GPC5: variants seen among roughly 807,000 people sequenced by gnomAD.
GPC5 encodes the protein glypican-5.
Under a neutral mutation model 53.9 loss-of-function variants are expected in GPC5, and 47 were observed. The observed-to-expected ratio is 0.87, with a 90% CI of 0.69 to 1.11. The LOEUF (loss-of-function observed/expected upper bound fraction) is 1.11. GPC5 is among the 50% of genes most tolerant of loss of function. GPC5 has a pLI of 0.00. For missense variants in GPC5, 748 were observed against 713.1 expected (o/e 1.05, Z -0.56); for synonymous variants, 286 against 263.3 (o/e 1.09, Z -0.84).
At chr13:91,688,939 C>A (rs575883697) in intron 2 of GPC5, among the ~76,000 whole-genome samples, 26 of 151,546 alleles carry the variant, frequency 1.7e-4, no homozygotes, top group Middle Eastern at 3.4e-3. Flanking sequence ...GGAGCAGATA[C>A]CTTGAGGCCA....
chr13:91,636,722 A>C (rs2034293950), intron 2 of GPC5, among the ~76,000 whole-genome samples: 1 of 152,088 alleles, frequency 6.6e-6, no homozygotes, highest in African/African-American at 2.4e-5. Context: ...TGGGAGACTG[A>C]GGTAGGAGGA....
intron 7 of GPC5, among the ~76,000 whole-genome samples, chr13:92,608,328 T>TA (rs1884322519): frequency 6.6e-6 from 1 of 152,202 alleles, no homozygotes; most frequent in Non-Finnish European, 1.5e-5. Context: ...TTTACTTATC[T>TA]AAAAGCACTT....
intron 7 of GPC5, among the ~76,000 whole-genome samples, chr13:92,332,486 A>C (rs2043294834): frequency 6.6e-6 from 1 of 152,202 alleles, no homozygotes; most frequent in South Asian, 2.1e-4. Flanking sequence ...CAATTCACTT[A>C]TGTGGCTGCC....
intron 5 of GPC5, among the ~76,000 whole-genome samples, chr13:91,886,224 T>A (rs1168219866): frequency 1.3e-5 from 2 of 152,114 alleles, no homozygotes; most frequent in Non-Finnish European, 2.9e-5. Context: ...AGACAGCATG[T>A]GCAGGGGAAC....
intron 6 of GPC5, among the ~76,000 whole-genome samples, chr13:91,928,588 C>T (rs1795744899): frequency 6.6e-6 from 1 of 152,122 alleles, no homozygotes; most frequent in Non-Finnish European, 1.5e-5. Flanking sequence ...AGATGCTTAA[C>T]TGTGCCCAGG....
chr13:92,510,888 T>G (rs192776519), intron 7 of GPC5, among the ~76,000 whole-genome samples: 1 of 152,208 alleles, frequency 6.6e-6, no homozygotes, highest in African/African-American at 2.4e-5. Context: ...TTGCAACTTG[T>G]CTGAGGCTCA....
At chr13:92,508,610 C>G (rs933456799) in intron 7 of GPC5, among the ~76,000 whole-genome samples, 1 of 152,052 alleles carries the variant, frequency 6.6e-6, no homozygotes, top group African/African-American at 2.4e-5. Context: ...CTGCTATTGG[C>G]TATATGAATC....
rs189270090 is a variant in GPC5 at position 92,585,116 on chromosome 13, G to A, written c.1562-281166G>A. ...AGAGTCCCTCCTGGGGCACCATCTAGTGGTGCTATGAGAAGAGGGCCACTA... is the reference window on the plus strand; with the variant it reads ...AGAGTCCCTCCTGGGGCACCATCTAATGGTGCTATGAGAAGAGGGCCACTA... On this transcript the variant is annotated intron_variant, in intron 7 of 7. Transcript: ENST00000377067. 7.6e-3 allele frequency among the ~76,000 whole-genome samples: 1,161 copies of A among 152,252 alleles called. 14 individuals carry two copies. Among genetic ancestry groups the A allele is most frequent in the Non-Finnish European group, 9.1e-3 (618 of 68,022 alleles).
At chr13:91,567,862 A>T (rs1210311681) in intron 2 of GPC5, among the ~76,000 whole-genome samples, 1 of 152,140 alleles carries the variant, frequency 6.6e-6, no homozygotes, top group African/African-American at 2.4e-5. Context: ...ATCTCATCTT[A>T]AATTGTAATC....
At chr13:91,919,875 C>A (rs764891022) in intron 6 of GPC5, among the ~76,000 whole-genome samples, 1 of 152,200 alleles carries the variant, frequency 6.6e-6, no homozygotes, top group Non-Finnish European at 1.5e-5. Flanking sequence ...CATGCCAGTA[C>A]ACACAGTCCA....
intron 5 of GPC5, among the ~76,000 whole-genome samples, chr13:91,818,613 A>G (rs2038437076): frequency 6.6e-6 from 1 of 152,190 alleles, no homozygotes; most frequent in Non-Finnish European, 1.5e-5. Flanking sequence ...GGAGATAACC[A>G]TGGTAAGATT....
intron 7 of GPC5, among the ~76,000 whole-genome samples, chr13:92,445,224 A>G (rs1158193167): frequency 1.4e-5 from 2 of 141,630 alleles, no homozygotes; most frequent in Non-Finnish European, 3.0e-5. Context: ...TCTCCTCTCA[A>G]GAGATGTATA....
chr13:91,552,507 T>C (rs1855909), intron 2 of GPC5, among the ~76,000 whole-genome samples: 130,700 of 151,932 alleles, frequency 0.86, 57,603 homozygotes, highest in East Asian at 1. Context: ...GATTTATCCA[T>C]ATATTTATTA....
chr13:92,591,703 TA>T (rs1883716599), intron 7 of GPC5, among the ~76,000 whole-genome samples: 2 of 152,108 alleles, frequency 1.3e-5, no homozygotes, highest in African/African-American at 4.8e-5. Context: ...TTCTCCTATC[TA>T]ACTATAATTA....
chr13:91,976,738 CA>C (rs2040306043), intron 6 of GPC5, among the ~76,000 whole-genome samples: 2 of 152,226 alleles, frequency 1.3e-5, no homozygotes, highest in South Asian at 2.1e-4. Flanking sequence ...ATGTAAGTTT[CA>C]GGCTTTAAGA....
At chr13:92,665,659 A>G (rs1221808946) in intron 7 of GPC5, among the ~76,000 whole-genome samples, 2 of 152,186 alleles carry the variant, frequency 1.3e-5, no homozygotes, top group African/African-American at 2.4e-5. Context: ...CCATTGCTCT[A>G]AAAGGATGCT....
rs370753512 is a variant in GPC5 at position 91,728,610 on chromosome 13, C to A, written c.1099C>A (p.His367Asn). The A allele has an allele frequency of 1.1e-5, 17 of 1,613,152 alleles. No homozygotes were observed. In the African/African-American group the frequency reaches 2.1e-4, roughly 20 times the overall value. ...RCSFDQSKEK[H>N]GMKTTTRNSE... is the part of the protein sequence containing the mutation. ...TTCTTTTGATCAGAGCAAAGAGAAG[C>A]ATGGAATGAAGACCACCACAAGGAA... is the stretch of plus-strand genomic sequence containing the variant. Residue 367 changes from histidine (H) to asparagine (N), a missense_variant, in exon 4 of 8, where the codon CAT (histidine) becomes AAT (asparagine). Coordinates refer to ENST00000377067, the MANE Select transcript of GPC5 (RefSeq NM_004466.6).
At chr13:91,496,915 G>A (rs567578786) in intron 2 of GPC5, among the ~76,000 whole-genome samples, 9 of 152,078 alleles carry the variant, frequency 5.9e-5, no homozygotes, top group African/African-American at 1.2e-4. Context: ...ATATGTACCC[G>A]CAACAGTTAA....
At chr13:92,859,975 A>AC (rs1286373406) in intron 7 of GPC5, among the ~76,000 whole-genome samples, 4 of 152,114 alleles carry the variant, frequency 2.6e-5, no homozygotes, top group Admixed American at 1.3e-4. Context: ...CCAGAAAAAA[A>AC]AGTCTAGTTA....
Sources: allele counts gnomAD v4.1 joint callset (sites outside exome capture counted in the v4.1 genomes callset), GRCh38; gene constraint gnomAD v4.1.1; transcripts MANE v1.5; gene names NCBI Gene and HGNC (gene_info 2026-07-23, HGNC 2026-07-21).